Variants in MSRA observed in about 807,000 individuals in gnomAD.
The protein encoded by MSRA is methionine sulfoxide reductase A.
MSRA carries 54 observed loss-of-function variants against 31.3 expected under a neutral mutation model. The ratio of observed to expected loss-of-function variants is 1.73; its 90% confidence interval spans 1.39 to 2.17. The LOEUF (loss-of-function observed/expected upper bound fraction) is 2.17, where lower values mean the gene tolerates loss of function less well. MSRA is among the 30% of genes most tolerant of loss of function. The probability of loss-of-function intolerance (pLI) is 0.00; values close to 1 mark genes in which losing one functional copy is unlikely to be tolerated. For synonymous variants in MSRA, 169 were observed against 116.5 expected (o/e 1.45, Z -2.90); for missense variants, 507 against 300.9 (o/e 1.69, Z -5.07).
At chr8:10,252,950 G>A (rs1344617699) in intron 3 of MSRA, among the ~76,000 whole-genome samples, 1 of 152,184 alleles carries the variant, frequency 6.6e-6, no homozygotes. Flanking sequence ...TACTCACGTA[G>A]GTATGAACCC....
chr8:10,354,760 A>G (rs894132181), intron 5 of MSRA, among the ~76,000 whole-genome samples: 4 of 147,594 alleles, frequency 2.7e-5, no homozygotes, highest in African/African-American at 7.5e-5. Flanking sequence ...GTATATATAT[A>G]TATATATATA....
chr8:10,273,664 A>T (rs113022701), intron 3 of MSRA, among the ~76,000 whole-genome samples: 8 of 152,266 alleles, frequency 5.3e-5, no homozygotes, highest in African/African-American at 1.9e-4. Context: ...CTATAATTGT[A>T]TCAAAACTTT....
intron 4 of MSRA, among the ~76,000 whole-genome samples, chr8:10,312,107 C>T (rs1801464935): frequency 6.6e-6 from 1 of 152,064 alleles, no homozygotes; most frequent in South Asian, 2.1e-4. Flanking sequence ...GCTAAGCGTC[C>T]ATCTCAAGAA....
rs76437508 is a variant in MSRA, at chr8:10,077,856, C to T, written c.142+23198C>T. 9.8e-3 allele frequency among the ~76,000 whole-genome samples: 1,484 copies of T among 152,196 alleles called. 97 individuals carry two copies. The East Asian group carries it at 0.18, about 18-fold the overall frequency. On this transcript the variant is annotated intron_variant, in intron 1 of 5. Transcript: ENST00000317173. ...TCCATTGGTCCCATTTACTCATCCC[C>T]GGCCATGTGTTAGCTGTCTGTAATT... is the stretch of plus-strand genomic sequence containing the variant.
chr8:10,148,762 A>C (rs1192726857), intron 1 of MSRA, among the ~76,000 whole-genome samples: 2 of 149,710 alleles, frequency 1.3e-5, no homozygotes, highest in Non-Finnish European at 3.0e-5. Flanking sequence ...AGATCTCATT[A>C]CTGCACTCTA....
At chr8:10,147,576 AG>A (rs1803256099) in intron 1 of MSRA, among the ~76,000 whole-genome samples, 2 of 152,196 alleles carry the variant, frequency 1.3e-5, no homozygotes, top group South Asian at 4.1e-4. Context: ...ACAGGGTAGA[AG>A]GGGTCACACA....
intron 5 of MSRA, chr8:10,326,712 C>T (rs1465266303): frequency 6.6e-6 from 1 of 152,026 alleles, no homozygotes; most frequent in Admixed American, 6.6e-5. Context: ...AAATTTTCCT[C>T]AAATCTTTGG....
At chr8:10,152,452 A>G (rs985240202) in intron 1 of MSRA, among the ~76,000 whole-genome samples, 7 of 152,150 alleles carry the variant, frequency 4.6e-5, no homozygotes, top group African/African-American at 1.7e-4. Context: ...GGGCAGGAAG[A>G]TGACTCACTA....
intron 1 of MSRA, among the ~76,000 whole-genome samples, chr8:10,078,781 GTCTA>G (rs1414260566): frequency 1.3e-5 from 2 of 152,244 alleles, no homozygotes; most frequent in African/African-American, 4.8e-5. Context: ...AAAACAACCA[GTCTA>G]TCTCCCTGTT....
intron 1 of MSRA, among the ~76,000 whole-genome samples, chr8:10,097,667 G>C (rs1250573069): frequency 6.6e-6 from 1 of 151,998 alleles, no homozygotes; most frequent in Non-Finnish European, 1.5e-5. Flanking sequence ...TTTTCTTGAA[G>C]TTAAAATAAT....
intron 5 of MSRA, among the ~76,000 whole-genome samples, chr8:10,367,218 G>T (rs1805218230): frequency 6.6e-6 from 1 of 152,158 alleles, no homozygotes; most frequent in African/African-American, 2.4e-5. Context: ...TTGGTGATCA[G>T]ATCGACAGAT....
At chr8:10,076,879 G>C (rs1331170736) in intron 1 of MSRA, among the ~76,000 whole-genome samples, 1 of 151,898 alleles carries the variant, frequency 6.6e-6, no homozygotes, top group Admixed American at 6.6e-5. Flanking sequence ...GGCTGGGGAA[G>C]AGCATACACT....
intron 2 of MSRA, among the ~76,000 whole-genome samples, chr8:10,242,134 G>C (rs1165721190): frequency 6.6e-6 from 1 of 152,078 alleles, no homozygotes; most frequent in Non-Finnish European, 1.5e-5. Context: ...AGCCGGGCAT[G>C]GTAGTACGCG....
At chr8:10,096,974 T>C (rs1799199932) in intron 1 of MSRA, among the ~76,000 whole-genome samples, 1 of 152,244 alleles carries the variant, frequency 6.6e-6, no homozygotes, top group African/African-American at 2.4e-5. Context: ...ACTCATCATT[T>C]TGGGCAGTAT....
chr8:10,344,830 A>C (rs1159510982), intron 5 of MSRA, among the ~76,000 whole-genome samples: 1 of 152,114 alleles, frequency 6.6e-6, no homozygotes, highest in Non-Finnish European at 1.5e-5. Context: ...CAGTGGACAT[A>C]TTTATTCTTC....
intron 1 of MSRA, among the ~76,000 whole-genome samples, chr8:10,159,517 A>C (rs80319731): frequency 6.6e-6 from 1 of 152,204 alleles, no homozygotes; most frequent in African/African-American, 2.4e-5. Context: ...GCCCTTTTAG[A>C]AAAATGCATG....
At chr8:10,103,679 G>C (rs1192096751) in intron 1 of MSRA, among the ~76,000 whole-genome samples, 1 of 152,050 alleles carries the variant, frequency 6.6e-6, no homozygotes, top group Non-Finnish European at 1.5e-5. Context: ...CTTTTCAGCT[G>C]TTTATTCCAA....
intron 5 of MSRA, among the ~76,000 whole-genome samples, chr8:10,416,435 G>A (rs1585731129): frequency 6.6e-6 from 1 of 152,232 alleles, no homozygotes; most frequent in African/African-American, 2.4e-5. Flanking sequence ...GGGCCGTGGT[G>A]CTCCCAGCGT....
intron 5 of MSRA, among the ~76,000 whole-genome samples, chr8:10,320,984 T>A (rs1802015208): frequency 6.6e-6 from 1 of 152,236 alleles, no homozygotes; most frequent in Non-Finnish European, 1.5e-5. Flanking sequence ...TCCGAGGTTT[T>A]AGGACTCCAA....
Sources: allele counts gnomAD v4.1 joint callset (sites outside exome capture counted in the v4.1 genomes callset), GRCh38; gene constraint gnomAD v4.1.1; transcripts MANE v1.5; gene names NCBI Gene and HGNC (gene_info 2026-07-23, HGNC 2026-07-21).